Variants in LRRFIP2 observed in about 807,000 individuals in gnomAD.
LRRFIP2 encodes the protein leucine-rich repeat flightless-interacting protein 2.
Under a neutral mutation model 125.9 loss-of-function variants are expected in LRRFIP2, and 109 were observed. The observed-to-expected ratio is 0.87, with a 90% confidence interval of 0.74 to 1.01. LRRFIP2 has a LOEUF of 1.01. LRRFIP2 is among the 50% of genes least tolerant of loss of function. The probability of loss-of-function intolerance (pLI) is 0.00; values close to 1 mark genes in which losing one functional copy is unlikely to be tolerated. For missense variants in LRRFIP2, 850 were observed against 862.3 expected, an observed-to-expected ratio of 0.99 and a Z score of 0.18; for synonymous variants, 291 against 293.1, an observed-to-expected ratio of 0.99 and a Z score of 0.07.
intron 24 of LRRFIP2, 44 bp from the exon 25 acceptor site, chr3:37,058,954 A>G (rs778914525): frequency 1.2e-6 from 2 of 1,609,904 alleles, no homozygotes; most frequent in Admixed American, 3.3e-5. Flanking sequence ...CAATCTCTCA[A>G]ATGAAGCCGA....
At chr3:37,096,062 T>C (rs2093701228) in intron 16 of LRRFIP2, among the ~76,000 whole-genome samples, 1 of 152,204 alleles carries the variant, frequency 6.6e-6, no homozygotes, top group African/African-American at 2.4e-5. Context: ...TACCAGAAAA[T>C]TTAAACTTAC....
At chr3:37,123,209 G>A (rs185002014) in intron 4 of LRRFIP2, among the ~76,000 whole-genome samples, 1 of 151,860 alleles carries the variant, frequency 6.6e-6, no homozygotes, top group Non-Finnish European at 1.5e-5. Context: ...TGTTTTTTGA[G>A]ACGGAGTCTC....
chr3:37,088,909 G>A (rs1213832018), intron 18 of LRRFIP2, among the ~76,000 whole-genome samples: 13 of 152,038 alleles, frequency 8.6e-5, no homozygotes, highest in Non-Finnish European at 5.9e-5. Context: ...TAAAGCAAAA[G>A]TCTTCCTTGA....
intron 9 of LRRFIP2, among the ~76,000 whole-genome samples, chr3:37,110,684 T>C (rs866099354): frequency 1.1e-4 from 17 of 152,190 alleles, no homozygotes; most frequent in Non-Finnish European, 2.9e-5. Context: ...ATAAAGGAAA[T>C]ATAATGAATT....
At chr3:37,081,217 G>A (rs1287277752) in intron 19 of LRRFIP2, among the ~76,000 whole-genome samples, 1 of 152,114 alleles carries the variant, frequency 6.6e-6, no homozygotes, top group East Asian at 1.9e-4. Context: ...ACTCCAGCCT[G>A]GGGAGCAGAG....
At chr3:37,137,197 C>G (rs942751600) in intron 2 of LRRFIP2, among the ~76,000 whole-genome samples, 4 of 152,052 alleles carry the variant, frequency 2.6e-5, no homozygotes, top group African/African-American at 9.7e-5. Flanking sequence ...AGGCTGGTCT[C>G]GAACTCCTGG....
chr3:37,106,890 T>C (rs527901451), intron 13 of LRRFIP2, among the ~76,000 whole-genome samples: 2 of 148,352 alleles, frequency 1.3e-5, no homozygotes, highest in African/African-American at 5.0e-5. Context: ...CTAATGTCCA[T>C]CACAGGGAAA....
intron 1 of LRRFIP2, among the ~76,000 whole-genome samples, chr3:37,157,781 T>G (rs560894662): frequency 6.6e-6 from 1 of 152,230 alleles, no homozygotes; most frequent in Admixed American, 6.5e-5. Context: ...AAACACAAAC[T>G]AAATGTCAGA....
intron 15 of LRRFIP2, among the ~76,000 whole-genome samples, chr3:37,100,798 A>G (rs984875295): frequency 4.6e-5 from 7 of 152,190 alleles, no homozygotes; most frequent in African/African-American, 1.7e-4. Context: ...TAGGCAATTT[A>G]ATATAAAGGG....
chr3:37,064,576 G>A (rs1190514736), intron 23 of LRRFIP2: 1 of 127,978 alleles, frequency 7.8e-6, no homozygotes, highest in African/African-American at 3.1e-5. Flanking sequence ...GACCGAGTGA[G>A]ACTTCGTCTC....
At chr3:37,089,042 T>C (rs1296418956) in intron 18 of LRRFIP2, among the ~76,000 whole-genome samples, 2 of 152,142 alleles carry the variant, frequency 1.3e-5, no homozygotes, top group African/African-American at 2.4e-5. Flanking sequence ...ATACAAATTA[T>C]ATACTCTACA....
Position 37,058,898 on chromosome 3 carries a change from TCA to T in LRRFIP2, c.1760_1761del (p.Leu587GlnfsTer15). 1 of 1,613,852 alleles carries T rather than the reference TCA, an allele frequency of 6.2e-7. No homozygotes were observed. ...TGTCGTTCCTCCTCTAACTGAAGCT[TCA>T]GTTTTCTAATCTGAAATGAAAATAA... ...KEELLSQIRK[L>X]KLQLEEERQK... On this transcript the variant is annotated frameshift_variant, in exon 25 of 28. Transcript: ENST00000336686. LOFTEE classifies it high-confidence loss of function.
At chr3:37,113,946 G>A (rs930465596) in intron 7 of LRRFIP2, among the ~76,000 whole-genome samples, 2 of 152,122 alleles carry the variant, frequency 1.3e-5, no homozygotes, top group African/African-American at 4.8e-5. Context: ...TAGGTAAATT[G>A]GTAGATAAGA....
chr3:37,086,444 C>A (rs1423005564), intron 18 of LRRFIP2, among the ~76,000 whole-genome samples: 1 of 152,048 alleles, frequency 6.6e-6, no homozygotes, highest in South Asian at 2.1e-4. Flanking sequence ...CAGCATTATT[C>A]ATAATAGACA....
At chr3:37,063,956 T>C (rs753748985) in intron 23 of LRRFIP2, 165 bp from the exon 24 acceptor site, 1 of 580,238 alleles carries the variant, frequency 1.7e-6, no homozygotes. Flanking sequence ...TACAGAAAAG[T>C]TCTTAACTAT....
rs114812806 is a variant in LRRFIP2 at position 37,074,806 on chromosome 3, A to T, written c.1371+218T>A. On this transcript the variant is annotated intron_variant, in intron 20 of 27. Coordinates refer to ENST00000336686, the MANE Select transcript of LRRFIP2 (RefSeq NM_006309.4). ...AACAGTGTGCTTAGGAATAAAAGAC[A>T]CAAAAATTTCTGCTACCAAAGTGGG... Among the ~76,000 whole-genome samples, 783 of 152,346 alleles carry T rather than the reference A, an allele frequency of 5.1e-3. 7 individuals are homozygous for T. Among genetic ancestry groups the T allele is most frequent in the African/African-American group, 0.018 (747 of 41,578 alleles).
chr3:37,117,838 T>C (rs1305659968), intron 6 of LRRFIP2, among the ~76,000 whole-genome samples: 5 of 152,218 alleles, frequency 3.3e-5, no homozygotes, highest in Non-Finnish European at 7.3e-5. Context: ...CTACACACCA[T>C]AGTGTCTTTC....
intron 6 of LRRFIP2, among the ~76,000 whole-genome samples, chr3:37,118,719 T>C (rs2094898582): frequency 6.6e-6 from 1 of 152,202 alleles, no homozygotes; most frequent in Non-Finnish European, 1.5e-5. Context: ...GTCCTAAGAA[T>C]GCAGCATAAG....
At chr3:37,084,536 G>A (rs1013585343) in intron 18 of LRRFIP2, among the ~76,000 whole-genome samples, 7 of 151,994 alleles carry the variant, frequency 4.6e-5, no homozygotes, top group South Asian at 4.2e-4. Flanking sequence ...ACACAGTGGC[G>A]CACACCTGTA....
Sources: allele counts gnomAD v4.1 joint callset (sites outside exome capture counted in the v4.1 genomes callset), GRCh38; gene constraint gnomAD v4.1.1; transcripts MANE v1.5; gene names NCBI Gene and HGNC (gene_info 2026-07-23, HGNC 2026-07-21).